The following KLF5 variants were observed in gnomAD, a reference collection of about 807,000 sequenced individuals.
The protein encoded by KLF5 is KLF transcription factor 5.
A neutral mutation model predicts 36.9 loss-of-function variants in KLF5; 9 were observed. That is an observed-to-expected ratio of 0.24 (90% CI 0.15 to 0.43). The LOEUF (loss-of-function observed/expected upper bound fraction) is 0.43, where lower values mean the gene tolerates loss of function less well. Among genes scored for constraint, KLF5 ranks in the 20% least tolerant of loss-of-function variants. The pLI is 1.00. For synonymous variants in KLF5, 246 were observed against 241.7 expected (o/e 1.02, Z -0.17); for missense variants, 524 against 599.5 (o/e 0.87, Z 1.31).
intron 3 of KLF5, among the ~76,000 whole-genome samples, chr13:73,068,525 A>G (rs9543223): frequency 0.48 from 72,129 of 149,334 alleles, 18,366 homozygotes; most frequent in Non-Finnish European, 0.58. Flanking sequence ...CCAACAAGGC[A>G]AAACCCCATC....
intron 3 of KLF5, among the ~76,000 whole-genome samples, chr13:73,064,796 C>A (rs1479850693): frequency 1.3e-5 from 2 of 152,194 alleles, no homozygotes; most frequent in Non-Finnish European, 1.5e-5. Context: ...CCTGCCTCGG[C>A]CTCCCAAAGT....
intron 3 of KLF5, among the ~76,000 whole-genome samples, chr13:73,068,967 A>G (rs1340591725): frequency 2.0e-5 from 3 of 152,090 alleles, no homozygotes; most frequent in African/African-American, 7.2e-5. Flanking sequence ...ATGGTGGCAC[A>G]TGCCTATAGT....
At chr13:73,058,491 C>G (rs967540951), upstream of KLF5, among the ~76,000 whole-genome samples, 13 of 152,190 alleles carry the variant, frequency 8.5e-5, no homozygotes, top group Admixed American at 4.6e-4. Context: ...TAGTTTTCTG[C>G]TAAAGAGAAG....
In KLF5 at chr13:73,076,875, A is replaced by T. The variant is rs1390432055; in HGVS notation, c.*989A>T. ...GATGATGCAGTTTTCATATATCGAG[A>T]TGTTCGCTCGTGCAGTACTGTTGGT... On this transcript the variant is annotated 3_prime_UTR_variant, in exon 4 of 4. Transcript: ENST00000377687. 6.6e-6 allele frequency: 1 copy of T among 152,172 alleles called. No homozygotes were observed. Among genetic ancestry groups the T allele is most frequent in the East Asian group, 1.9e-4 (1 of 5,192 alleles). 9.4% of individuals were successfully genotyped at this position (152,172 alleles called of 1,614,324 possible).
rs1189357041 is a variant in KLF5 at position 73,075,830 on chromosome 13, C to T, written c.1318C>T (p.Arg440Cys). 1 of 1,611,356 alleles carries T rather than the reference C, an allele frequency of 6.2e-7. No individual in the cohort carries two copies. The highest frequency in any genetic ancestry group is 8.5e-7 in the Non-Finnish European group (1 of 1,177,774). ...GCCCTTCCAGTGCGGGGTGTGCAAC[C>T]GCAGCTTCTCGCGCTCTGACCACCT... Reference protein sequence around the residue: ...AKPFQCGVCNRSFSRSDHLAL... With the variant: ...AKPFQCGVCNCSFSRSDHLAL... The change falls in exon 4 of 4, where the codon CGC (arginine) becomes TGC (cysteine). Residue 440 changes from arginine (R) to cysteine (C), a missense_variant. Arg to Cys is a radical substitution (Grantham distance 180). Coordinates refer to ENST00000377687, the MANE Select transcript of KLF5 (RefSeq NM_001730.5).
chr13:73,070,515 T>C (rs1309532057), intron 3 of KLF5, among the ~76,000 whole-genome samples: 1 of 152,174 alleles, frequency 6.6e-6, no homozygotes, highest in Non-Finnish European at 1.5e-5. Context: ...CTTCATAATG[T>C]TTACTGGGAA....
intron 2 of KLF5, among the ~76,000 whole-genome samples, chr13:73,063,565 T>C (rs879413833): frequency 2.6e-5 from 4 of 152,214 alleles, no homozygotes; most frequent in Non-Finnish European, 4.4e-5. Context: ...TACTGGAATA[T>C]AAACACAAAT....
At chr13:73,071,948 T>G (rs1447573241) in intron 3 of KLF5, among the ~76,000 whole-genome samples, 1 of 152,254 alleles carries the variant, frequency 6.6e-6, no homozygotes, top group Non-Finnish European at 1.5e-5. Context: ...ACAGTGACTT[T>G]AATTCTCATG....
rs768987530 is a variant in KLF5 at position 73,064,462 on chromosome 13, CT to C, written c.1195+582del. Among the ~76,000 whole-genome samples the C allele has an allele frequency of 1.6e-3, 244 of 152,276 alleles. 2 individuals carry two copies. The highest frequency in any genetic ancestry group is 7.8e-4 in the Non-Finnish European group (53 of 68,024). ...ACTTGGTATGTGTGAGAGACTTGAT[CT>C]TTATTCTAGCTTACATTCATTCTTG... On this transcript the variant is annotated intron_variant, in intron 3 of 3. Transcript: ENST00000377687.
Position 73,076,114 on chromosome 13 carries a change from C to A in KLF5, c.*228C>A. The stretch of plus-strand genomic sequence containing the variant: ...TTGCTGTAATGTATATGGCTTTACT[C>A]AAGCAGATCTCATCTCATGACAGGC... On this transcript the variant is annotated 3_prime_UTR_variant, in exon 4 of 4. Coordinates refer to ENST00000377687, the MANE Select transcript of KLF5 (RefSeq NM_001730.5). The A allele has an allele frequency of 2.3e-5, 8 of 354,824 alleles. No individual in the cohort carries two copies. Among genetic ancestry groups the A allele is most frequent in the East Asian group, 4.3e-5 (1 of 23,010 alleles). 22.0% of individuals were successfully genotyped at this position (354,824 alleles called of 1,614,324 possible).
In KLF5 at chr13:73,076,101, A is replaced by G. The variant is rs2044759333; in HGVS notation, c.*215A>G. The G allele has an allele frequency of 4.8e-6, 2 of 420,726 alleles. No homozygotes were observed. Among genetic ancestry groups the G allele is most frequent in the South Asian group, 6.8e-5 (1 of 14,608 alleles). The allele number at this position is 420,726 out of a possible 1,614,324, so 26.1% of individuals were successfully genotyped here. A position where few individuals can be genotyped will look rare whatever the true frequency, so the allele number is the denominator to read the frequency against. On this transcript the variant is annotated 3_prime_UTR_variant, in exon 4 of 4. Transcript: ENST00000377687. ...GAATCTGGAATGCTTGCTGTAATGTATATGGCTTTACTCAAGCAGATCTCA... is the reference window on the plus strand; with the variant it reads ...GAATCTGGAATGCTTGCTGTAATGTGTATGGCTTTACTCAAGCAGATCTCA...
intron 3 of KLF5, among the ~76,000 whole-genome samples, 176 bp from the exon 4 acceptor site, chr13:73,075,530 ACT>A (rs912556513): frequency 1.1e-4 from 16 of 152,116 alleles, no homozygotes; most frequent in African/African-American, 3.9e-4. Context: ...ATAAGAAATA[ACT>A]CTTAACTAGC....
chr13:73,059,780 G>GC lies in KLF5; in HGVS notation c.261+192_261+193insC, dbSNP rs1300498181. On this transcript the variant is annotated intron_variant, in intron 1 of 3. Transcript: ENST00000377687. ...GCGTTTCGCTGAGAGTAAATGGGGG[G>GC]GGGGGCCGGGGGTGGGAAGGATGGA... The GC allele has an allele frequency of 8.1e-5, 60 of 738,644 alleles. 1 individual carries two copies. The East Asian group carries it at 3.1e-3, about 38-fold the overall frequency. The allele number at this position is 738,644 out of a possible 1,614,324, so 45.8% of individuals were successfully genotyped here.
rs1412328065 is a variant in KLF5, at chr13:73,077,351, C to G, written c.*1465C>G. ...GCTTCAAAATGTTTATACGTGGAAA[C>G]ACACCTACATGAAAAGCAGAAATCG... is the stretch of plus-strand genomic sequence containing the variant. On this transcript the variant is annotated 3_prime_UTR_variant, in exon 4 of 4. Transcript: ENST00000377687. 1 of 152,544 alleles carries G rather than the reference C, an allele frequency of 6.6e-6. No individual in the cohort carries two copies. Among genetic ancestry groups the G allele is most frequent in the Non-Finnish European group, 1.5e-5 (1 of 68,028 alleles). The allele number at this position is 152,544 out of a possible 1,614,324, so 9.4% of individuals were successfully genotyped here. A position where few individuals can be genotyped will look rare whatever the true frequency, so the allele number is the denominator to read the frequency against.
chr13:73,068,132 C>T (rs145883190), intron 3 of KLF5, among the ~76,000 whole-genome samples: 4 of 152,238 alleles, frequency 2.6e-5, no homozygotes, highest in African/African-American at 7.2e-5. Context: ...TGAGCCACCA[C>T]GCCAGACTCA....
chr13:73,058,366 T>C (rs1252131603), upstream of KLF5, among the ~76,000 whole-genome samples: 1 of 152,224 alleles, frequency 6.6e-6, no homozygotes, highest in Non-Finnish European at 1.5e-5. Context: ...GAAAAAACGC[T>C]TGCCATCAAA....
chr13:73,059,013 G>C lies in KLF5; in HGVS notation c.-315G>C, dbSNP rs1268043710. On this transcript the variant is annotated 5_prime_UTR_variant, in exon 1 of 4. Transcript: ENST00000377687. ...GGGCGTCAAGTGTCAGTAGTCGCGG[G>C]GCAGGTACGTGCGCTCGCGGTTCTC... is the stretch of plus-strand genomic sequence containing the variant. 4.1e-6 allele frequency: 1 copy of C among 246,420 alleles called. No individual in the cohort carries two copies. Among genetic ancestry groups the C allele is most frequent in the East Asian group, 7.2e-5 (1 of 13,868 alleles). 15.3% of individuals were successfully genotyped at this position (246,420 alleles called of 1,614,324 possible).
upstream of KLF5, among the ~76,000 whole-genome samples, chr13:73,056,861 T>G (rs1271573116): frequency 6.6e-6 from 1 of 152,070 alleles, no homozygotes; most frequent in East Asian, 1.9e-4. Flanking sequence ...AACGCTAGCT[T>G]CATATCTATA....
At chr13:73,073,941 A>G (rs1034670095) in intron 3 of KLF5, among the ~76,000 whole-genome samples, 9 of 152,178 alleles carry the variant, frequency 5.9e-5, no homozygotes, top group Non-Finnish European at 1.3e-4. Context: ...AGAATCTACT[A>G]TGAGGGGAGA....
Sources: gnomAD v4.1 joint callset for allele counts (sites outside exome capture counted in the v4.1 genomes callset) on GRCh38, gnomAD v4.1.1 for gene constraint, MANE v1.5 for transcripts, NCBI Gene and HGNC (gene_info 2026-07-23, HGNC 2026-07-21) for gene names.